The following GALNT7 variants were observed in gnomAD, a reference collection of about 807,000 sequenced individuals.
The protein encoded by GALNT7 is N-acetylgalactosaminyltransferase 7.
A neutral mutation model predicts 82.1 loss-of-function variants in GALNT7; 60 were observed. The ratio of observed to expected loss-of-function variants is 0.73; its 90% CI spans 0.59 to 0.91. The LOEUF (loss-of-function observed/expected upper bound fraction) is 0.91, where lower values mean the gene tolerates loss of function less well. GALNT7 is among the 40% of genes least tolerant of loss of function. The probability of loss-of-function intolerance (pLI) is 0.00; values close to 1 mark genes in which losing one functional copy is unlikely to be tolerated. For missense variants in GALNT7, 660 were observed against 804.2 expected, an observed-to-expected ratio of 0.82 and a Z score of 2.17; for synonymous variants, 243 against 275.1, an observed-to-expected ratio of 0.88 and a Z score of 1.15.
chr4:173,282,874 G>A (rs1176785141), intron 2 of GALNT7, among the ~76,000 whole-genome samples: 1 of 152,184 alleles, frequency 6.6e-6, no homozygotes, highest in Non-Finnish European at 1.5e-5. Flanking sequence ...CTTGGCTTTG[G>A]TTAGCTTCCT....
chr4:173,210,695 G>C (rs1339958767), intron 1 of GALNT7, among the ~76,000 whole-genome samples: 2 of 152,090 alleles, frequency 1.3e-5, no homozygotes, highest in African/African-American at 2.4e-5. Context: ...GCCTCGCAGC[G>C]TACTAGGATT....
At chr4:173,273,933 G>A (rs1319789753) in intron 2 of GALNT7, among the ~76,000 whole-genome samples, 4 of 152,116 alleles carry the variant, frequency 2.6e-5, no homozygotes, top group African/African-American at 9.7e-5. Context: ...TCCATGCATG[G>A]TGCCCAATGT....
At chr4:173,190,180 A>C (rs1732585641) in intron 1 of GALNT7, among the ~76,000 whole-genome samples, 1 of 151,884 alleles carries the variant, frequency 6.6e-6, no homozygotes, top group African/African-American at 2.4e-5. Context: ...CTCTCTTGTT[A>C]CTCTGTCATT....
intron 2 of GALNT7, among the ~76,000 whole-genome samples, chr4:173,277,391 G>C (rs1171099418): frequency 6.6e-6 from 1 of 152,132 alleles, no homozygotes; most frequent in East Asian, 1.9e-4. Context: ...CTTTCTCTCT[G>C]CTTCTGCATG....
chr4:173,192,427 C>T (rs1732655101), intron 1 of GALNT7, among the ~76,000 whole-genome samples: 1 of 152,110 alleles, frequency 6.6e-6, no homozygotes, highest in African/African-American at 2.4e-5. Flanking sequence ...CCGTCTCATC[C>T]CTGTTTTTAT....
chr4:173,217,228 T>C (rs1035458277), intron 1 of GALNT7, among the ~76,000 whole-genome samples: 1 of 152,156 alleles, frequency 6.6e-6, no homozygotes, highest in Non-Finnish European at 1.5e-5. Flanking sequence ...ATGATCCTCA[T>C]ATAGATTAGT....
chr4:173,205,676 GGGTCTGAAGTCTGGGGCTGT>G (rs530214791), intron 1 of GALNT7, among the ~76,000 whole-genome samples: 2,630 of 152,194 alleles, frequency 0.017, 43 homozygotes, highest in Non-Finnish European at 0.03. Flanking sequence ...TCACTGGGCT[GGGTCTGAAGTCTGGGGCTGT>G]GGTCTGAAGT....
chr4:173,190,861 T>C (rs1449477617), intron 1 of GALNT7, among the ~76,000 whole-genome samples: 1 of 152,218 alleles, frequency 6.6e-6, no homozygotes, highest in African/African-American at 2.4e-5. Context: ...ATGTGAGCTA[T>C]ATCCTGTATC....
intron 1 of GALNT7, among the ~76,000 whole-genome samples, chr4:173,197,758 G>T (rs1002009847): frequency 6.6e-6 from 1 of 152,154 alleles, no homozygotes; most frequent in Non-Finnish European, 1.5e-5. Context: ...AGAAGTGGGG[G>T]GATGAAGACG....
chr4:173,237,725 C>T (rs1226237946), intron 1 of GALNT7, among the ~76,000 whole-genome samples: 1 of 146,852 alleles, frequency 6.8e-6, no homozygotes, highest in Non-Finnish European at 1.5e-5. Flanking sequence ...AAACAAGAAT[C>T]AAAGGATAGG....
chr4:173,301,414 A>G (rs1417837900), intron 6 of GALNT7, among the ~76,000 whole-genome samples: 2 of 152,180 alleles, frequency 1.3e-5, no homozygotes, highest in Non-Finnish European at 2.9e-5. Flanking sequence ...AAAAGTGTCC[A>G]ATTTAAGATC....
chr4:173,287,009 A>AT (rs912836761), intron 2 of GALNT7, among the ~76,000 whole-genome samples: 1 of 152,202 alleles, frequency 6.6e-6, no homozygotes, highest in African/African-American at 2.4e-5. Context: ...GGAGAGTGTT[A>AT]TTTATGTACT....
intron 1 of GALNT7, among the ~76,000 whole-genome samples, chr4:173,233,368 TC>T (rs1303520070): frequency 6.6e-6 from 1 of 152,220 alleles, no homozygotes. Flanking sequence ...GTATAAGAGT[TC>T]CCTTACTCTG....
intron 1 of GALNT7, among the ~76,000 whole-genome samples, chr4:173,184,347 T>C (rs955223531): frequency 6.6e-6 from 1 of 151,994 alleles, no homozygotes; most frequent in Admixed American, 6.5e-5. Flanking sequence ...CTGCAATCCC[T>C]GCACCTAGGG....
intron 2 of GALNT7, among the ~76,000 whole-genome samples, chr4:173,249,106 C>T (rs953510267): frequency 2.6e-5 from 4 of 152,144 alleles, no homozygotes; most frequent in African/African-American, 9.7e-5. Context: ...ACTGAATGAA[C>T]TCAAAGCTTT....
rs572664818 is a variant in GALNT7 at position 173,317,840 on chromosome 4, T to A, written c.1707+108T>A. 7.2e-5 allele frequency: 51 copies of A among 705,482 alleles called. 1 individual carries two copies. In the South Asian group the frequency reaches 8.4e-4, roughly 12 times the overall value. 43.7% of individuals were successfully genotyped at this position (705,482 alleles called of 1,614,324 possible). A position where few individuals can be genotyped will look rare whatever the true frequency, so the allele number is the denominator to read the frequency against. On this transcript the variant is annotated intron_variant, in intron 10 of 11. Coordinates refer to ENST00000265000, the MANE Select transcript of GALNT7 (RefSeq NM_017423.3). ...TGGTTTTCGATTTGGTAATTTTGTT[T>A]GTTTTGATAAAGTAAAACATTCTGT...
At chr4:173,297,716 A>T (rs547929405) in intron 5 of GALNT7, 39 of 615,768 alleles carry the variant, frequency 6.3e-5, no homozygotes, top group Non-Finnish European at 9.5e-5. Context: ...AATCAACAAC[A>T]AAAAGAGATA....
rs185228453 is a variant in GALNT7, at chr4:173,205,508, G to T, written c.126+36547G>T. ...TTCTCTCTTGCTGTCTTTTTTTTAT[G>T]ATTAGGTGGTTTTCTCTAGTGGTAT... On this transcript the variant is annotated intron_variant, in intron 1 of 11. Transcript: ENST00000265000. 2.8e-4 allele frequency among the ~76,000 whole-genome samples: 42 copies of T among 152,072 alleles called. 1 individual carries two copies. The East Asian group carries it at 5.2e-3, about 19-fold the overall frequency.
At chr4:173,314,814 C>T (rs955798623) in intron 9 of GALNT7, among the ~76,000 whole-genome samples, 2 of 152,184 alleles carry the variant, frequency 1.3e-5, no homozygotes, top group African/African-American at 2.4e-5. Context: ...CCTGCAGCCC[C>T]GCTGTATGCC....
Sources: gnomAD v4.1 joint callset for allele counts (sites outside exome capture counted in the v4.1 genomes callset) on GRCh38, gnomAD v4.1.1 for gene constraint, MANE v1.5 for transcripts, NCBI Gene and HGNC (gene_info 2026-07-23, HGNC 2026-07-21) for gene names.